The following SMOX variants were observed in gnomAD, a reference collection of about 807,000 sequenced individuals.
SMOX encodes the protein spermine oxidase.
Under a neutral mutation model 51.0 loss-of-function variants are expected in SMOX, and 22 were observed. The ratio of observed to expected loss-of-function variants is 0.43; its 90% CI spans 0.31 to 0.62. The LOEUF (loss-of-function observed/expected upper bound fraction) is 0.62. Ranked by LOEUF, SMOX falls within the 20% of genes least tolerant of loss-of-function variation. SMOX has a pLI of 0.10. For synonymous variants in SMOX, 282 were observed against 307.8 expected (o/e 0.92, Z 0.88); for missense variants, 566 against 777.7 (o/e 0.73, Z 3.24).
Position 4,148,962 on chromosome 20 carries a change from G to C in SMOX, c.-42G>C, listed in dbSNP as rs1160020821. 6.6e-6 allele frequency: 1 copy of C among 151,868 alleles called. No homozygotes were observed. The highest frequency in any genetic ancestry group is 1.5e-5 in the Non-Finnish European group (1 of 67,938). The allele number at this position is 151,868 out of a possible 1,614,324, so 9.4% of individuals were successfully genotyped here. Reference sequence around the variant, plus strand: ...CCGCTCGCCGCAGACTTACTTCCCCGGCTCAGCAGGGAAAGGTACGGTGCG... The same window carrying C: ...CCGCTCGCCGCAGACTTACTTCCCCCGCTCAGCAGGGAAAGGTACGGTGCG... On this transcript the variant is annotated 5_prime_UTR_variant, in exon 1 of 7. Coordinates refer to ENST00000305958, the MANE Select transcript of SMOX (RefSeq NM_175839.3).
chr20:4,151,521 C>T (rs972722690), intron 1 of SMOX, among the ~76,000 whole-genome samples: 5 of 152,078 alleles, frequency 3.3e-5, no homozygotes, highest in Non-Finnish European at 4.4e-5. Context: ...TTGCATTCTC[C>T]CTGACAGACA....
chr20:4,163,104 C>G (rs1986409195), intron 1 of SMOX, among the ~76,000 whole-genome samples: 2 of 152,126 alleles, frequency 1.3e-5, no homozygotes, highest in South Asian at 4.1e-4. Context: ...CTGCCTCTTC[C>G]TCTCCGGCAC....
chr20:4,154,938 G>A (rs2122373966), intron 1 of SMOX, among the ~76,000 whole-genome samples: 1 of 152,200 alleles, frequency 6.6e-6, no homozygotes, highest in Middle Eastern at 3.4e-3. Context: ...GCTGGGAGCT[G>A]GGGCTGTGTG....
chr20:4,180,360 G>A (rs1979229644), intron 3 of SMOX, among the ~76,000 whole-genome samples: 2 of 152,188 alleles, frequency 1.3e-5, no homozygotes, highest in Admixed American at 1.3e-4. Context: ...TTCACCCTGT[G>A]GCCCCAGGGC....
intron 1 of SMOX, among the ~76,000 whole-genome samples, chr20:4,159,717 C>G (rs1986217774): frequency 6.6e-6 from 1 of 152,170 alleles, no homozygotes. Context: ...ACAAAAGGGC[C>G]TAAAGAATAT....
chr20:4,181,627 C>T lies in SMOX; in HGVS notation c.436-176C>T, dbSNP rs891317883. ...GGCCGGAGGCGAGGAGGTGGCTGCC[C>T]GGGGCCTTGGCTTTTGGTGCAGCAT... is the stretch of plus-strand genomic sequence containing the variant. On this transcript the variant is annotated intron_variant, in intron 3 of 6. Coordinates refer to ENST00000305958, the MANE Select transcript of SMOX (RefSeq NM_175839.3). The surrounding 1 kb of genome is among the most constrained non-coding windows in gnomAD (Gnocchi z 5.6). Among the ~76,000 whole-genome samples the T allele has an allele frequency of 3.9e-5, 6 of 152,140 alleles. No homozygotes were observed. The highest frequency in any genetic ancestry group is 1.2e-4 in the African/African-American group (5 of 41,434).
intron 6 of SMOX, chr20:4,186,824 G>T (rs760704666): frequency 1.3e-6 from 1 of 780,520 alleles, no homozygotes; most frequent in African/African-American, 1.7e-5. Context: ...TAACAGGGGC[G>T]CCGTAAAGGT....
At chr20:4,178,296 C>T (rs1201372092) in intron 3 of SMOX, among the ~76,000 whole-genome samples, 3 of 152,200 alleles carry the variant, frequency 2.0e-5, no homozygotes, top group Non-Finnish European at 2.9e-5. Flanking sequence ...CTTGGCCTCC[C>T]AAAGTGCTGG....
chr20:4,176,103 C>T (rs1978831872), intron 2 of SMOX: 1 of 151,064 alleles, frequency 6.6e-6, no homozygotes. Context: ...TCACTGCAAC[C>T]TCTGCTTCTG....
chr20:4,155,186 G>A (rs1370234587), intron 1 of SMOX, among the ~76,000 whole-genome samples: 1 of 152,122 alleles, frequency 6.6e-6, no homozygotes, highest in Non-Finnish European at 1.5e-5. Flanking sequence ...CGAGAGATTG[G>A]GGAAACAGCT....
chr20:4,164,360 C>T (rs977589934), intron 1 of SMOX, among the ~76,000 whole-genome samples: 1 of 152,192 alleles, frequency 6.6e-6, no homozygotes, highest in Non-Finnish European at 1.5e-5. Context: ...ACACATCTGG[C>T]TCTGGGATAA....
Position 4,156,250 on chromosome 20 carries a change from C to T in SMOX, c.-27+7273C>T, listed in dbSNP as rs558088655. ...TTAAATGACTGCCAATAATGTCCCACCCACCAGGAAAACACCTGCTGGGAA... is the reference window on the plus strand; with the variant it reads ...TTAAATGACTGCCAATAATGTCCCATCCACCAGGAAAACACCTGCTGGGAA... On this transcript the variant is annotated intron_variant, in intron 1 of 6. Transcript: ENST00000305958. Among the ~76,000 whole-genome samples the T allele has an allele frequency of 2.0e-5, 3 of 152,264 alleles. No homozygotes were observed. In the South Asian group the frequency reaches 6.2e-4, roughly 32 times the overall value.
chr20:4,175,085 T>C lies in SMOX; in HGVS notation c.30T>C (p.Ser10=), dbSNP rs762889116. 2 of 1,614,104 alleles carry C rather than the reference T, an allele frequency of 1.2e-6. No individual in the cohort carries two copies. Among genetic ancestry groups the C allele is most frequent in the African/African-American group, 1.3e-5 (1 of 74,932 alleles). The change falls in exon 2 of 7, where the codon AGT becomes AGC. Residue 10 remains serine (S), a synonymous_variant. Coordinates refer to ENST00000305958, the MANE Select transcript of SMOX (RefSeq NM_175839.3). ...AAAGTTGTGAATCCAGTGGTGACAG[T>C]GCGGATGACCCTCTCAGTCGCGGCC... MQSCESSGD[S]ADDPLSRGLR...
rs953042622 is a variant in SMOX, at chr20:4,166,597, C to T, written c.-26-8433C>T. ...GTTGAGTAGTCTCCTGGGTCTGCCC[C>T]TACAGGGAGCTATAAAATCACCTTA... On this transcript the variant is annotated intron_variant, in intron 1 of 6. Coordinates refer to ENST00000305958, the MANE Select transcript of SMOX (RefSeq NM_175839.3). The surrounding 1 kb of genome is among the most constrained non-coding windows in gnomAD (Gnocchi z 4.2). Among the ~76,000 whole-genome samples, 1 of 152,192 alleles carries T rather than the reference C, an allele frequency of 6.6e-6. No individual in the cohort carries two copies. The highest frequency in any genetic ancestry group is 6.5e-5 in the Admixed American group (1 of 15,276).
intron 6 of SMOX, among the ~76,000 whole-genome samples, chr20:4,185,964 A>G (rs1979700828): frequency 6.6e-6 from 1 of 151,976 alleles, no homozygotes; most frequent in African/African-American, 2.4e-5. Context: ...AAATAAATAA[A>G]AAGAAATGCA....
chr20:4,183,316 G>A lies in SMOX; in HGVS notation c.1370-178G>A. The A allele has an allele frequency of 1.2e-6, 1 of 831,766 alleles. No individual in the cohort carries two copies. Among genetic ancestry groups the A allele is most frequent in the Non-Finnish European group, 1.9e-6 (1 of 523,880 alleles). The allele number at this position is 831,766 out of a possible 1,614,324, so 51.5% of individuals were successfully genotyped here. On this transcript the variant is annotated intron_variant, in intron 5 of 6. Coordinates refer to ENST00000305958, the MANE Select transcript of SMOX (RefSeq NM_175839.3). The surrounding 1 kb of genome is among the most constrained non-coding windows in gnomAD (Gnocchi z 4.3). The stretch of plus-strand genomic sequence containing the variant: ...CGGGGGTCACAGGAGGCGCTGAGTG[G>A]GTACACAGCTCGAGCCCCAGCCTCC...
chr20:4,157,664 T>C (rs1365299818), intron 1 of SMOX, among the ~76,000 whole-genome samples: 3 of 151,990 alleles, frequency 2.0e-5, no homozygotes, highest in African/African-American at 7.3e-5. Flanking sequence ...GAGCAGTGCA[T>C]TAGTGAGACA....
At chr20:4,173,636 A>G (rs1417005389) in intron 1 of SMOX, among the ~76,000 whole-genome samples, 1 of 152,174 alleles carries the variant, frequency 6.6e-6, no homozygotes, top group Non-Finnish European at 1.5e-5. Context: ...GCGCAGCTTT[A>G]TTAGGTACGG....
chr20:4,174,427 C>T (rs890474065), intron 1 of SMOX, among the ~76,000 whole-genome samples: 4 of 152,038 alleles, frequency 2.6e-5, no homozygotes, highest in Middle Eastern at 3.4e-3. Flanking sequence ...GGGGTCCAGG[C>T]AAGTGTCCTG....
Sources: gnomAD v4.1 joint callset for allele counts (sites outside exome capture counted in the v4.1 genomes callset) on GRCh38, gnomAD v4.1.1 for gene constraint, Gnocchi (gnomAD v3.1) non-coding constraint, MANE v1.5 for transcripts, NCBI Gene and HGNC (gene_info 2026-07-23, HGNC 2026-07-21) for gene names.